Variants in ACSM2B observed in about 807,000 individuals in gnomAD.
The protein encoded by ACSM2B is acyl-CoA synthetase medium chain family member 2B.
ACSM2B carries 58 observed loss-of-function variants against 78.6 expected under a neutral mutation model. The observed-to-expected ratio is 0.74, with a 90% CI of 0.60 to 0.92. The LOEUF (loss-of-function observed/expected upper bound fraction) is 0.92. Ranked by LOEUF, ACSM2B falls within the 40% of genes least tolerant of loss-of-function variation. The pLI, the probability that ACSM2B is intolerant of heterozygous loss-of-function variation, is 0.00. For missense variants in ACSM2B, 688 were observed against 711.2 expected (o/e 0.97, Z 0.37); for synonymous variants, 257 against 256.8 (o/e 1.00, Z -0.01).
chr16:20,555,156 T>C, intron 4 of ACSM2B, 113 bp downstream of exon 4: 1 of 1,536,720 alleles, frequency 6.5e-7, no homozygotes, highest in African/African-American at 1.4e-5. Context: ...GCTTCACTCT[T>C]CCTAGTCCCA....
At position 20,546,685 on chromosome 16, in the gene ACSM2B, A is replaced by G. The variant is rs932132368; in HGVS notation, c.1099-211T>C. ...AAATTGTTTGTTCAGGAAGCAACCCATCTACCACTCCCCAGGAAGAGGACC... is the reference window on the plus strand; with the variant it reads ...AAATTGTTTGTTCAGGAAGCAACCCGTCTACCACTCCCCAGGAAGAGGACC... On this transcript the variant is annotated intron_variant, in intron 8 of 13. Coordinates refer to ENST00000329697, the MANE Select transcript of ACSM2B (RefSeq NM_001105069.2). 1.9e-5 allele frequency: 15 copies of G among 782,606 alleles called. No individual in the cohort carries two copies. In the Admixed American group the frequency reaches 3.3e-4, roughly 17 times the overall value. 48.5% of individuals were successfully genotyped at this position (782,606 alleles called of 1,614,324 possible).
In ACSM2B at chr16:20,564,417, C is replaced by T. The variant is rs558798609; in HGVS notation, c.177+252G>A. 7.7e-4 allele frequency among the ~76,000 whole-genome samples: 117 copies of T among 152,082 alleles called. 1 individual carries two copies. Among genetic ancestry groups the T allele is most frequent in the Middle Eastern group, 3.4e-3 (1 of 294 alleles). Reference sequence around the variant, plus strand: ...CAACAGAGCATGTGCAGTCTACATACAGTGTAAACAAACTGTGTGTTGGCT... The same window carrying T: ...CAACAGAGCATGTGCAGTCTACATATAGTGTAAACAAACTGTGTGTTGGCT... On this transcript the variant is annotated intron_variant, in intron 2 of 13. Transcript: ENST00000329697.
chr16:20,552,371 G>A, intron 5 of ACSM2B, 74 bp from the exon 6 acceptor site: 4 of 1,527,662 alleles, frequency 2.6e-6, no homozygotes, highest in Non-Finnish European at 3.5e-6. Context: ...TAAGGTGTAG[G>A]GGAGGAAAGG....
At chr16:20,556,680 C>A (rs2015484629) in intron 3 of ACSM2B, among the ~76,000 whole-genome samples, 1 of 152,184 alleles carries the variant, frequency 6.6e-6, no homozygotes, top group African/African-American at 2.4e-5. Flanking sequence ...ACATGCCCGT[C>A]CTGTTAAATA....
intron 1 of ACSM2B, among the ~76,000 whole-genome samples, chr16:20,573,161 A>G (rs1269808697): frequency 6.6e-6 from 1 of 151,684 alleles, no homozygotes; most frequent in African/African-American, 2.4e-5. Context: ...ATATTCCCAG[A>G]ATCGTTTTCC....
At chr16:20,537,852 C>A (rs1438113923) in intron 13 of ACSM2B, among the ~76,000 whole-genome samples, 1 of 152,180 alleles carries the variant, frequency 6.6e-6, no homozygotes, top group African/African-American at 2.4e-5. Flanking sequence ...CTGGATTAAT[C>A]TGAGGTCTTT....
At chr16:20,548,243 G>A in intron 7 of ACSM2B, 58 bp from the exon 8 acceptor site, 2 of 1,611,820 alleles carry the variant, frequency 1.2e-6, no homozygotes, top group South Asian at 1.1e-5. Context: ...GTCCACTCAG[G>A]CCTAGACTTG....
rs16970280 is a variant in ACSM2B, at chr16:20,540,753, G to T, written c.1530C>A (p.Ile510=). 1,296,216 of 1,613,576 alleles carry T rather than the reference G, an allele frequency of 0.8. 525,300 individuals carry two copies. Among genetic ancestry groups the T allele is most frequent in the Non-Finnish European group, 0.82 (972,666 of 1,179,766 alleles). Residue 510 remains isoleucine (I), a synonymous_variant, in exon 13 of 14, where the codon ATC becomes ATA. Transcript: ENST00000329697. ...CATGGGATAGGAACTGCGAGGCCAG[G>T]ATCACAAATGCCTTCACCACCTGCA... ...VRGEVVKAFV[I]LASQFLSHDP...
chr16:20,564,605 T>G, intron 2 of ACSM2B, 64 bp downstream of exon 2: 1 of 1,549,012 alleles, frequency 6.5e-7, no homozygotes, highest in Non-Finnish European at 8.7e-7. Flanking sequence ...TTTACTGAAT[T>G]AATGGATGAA....
At chr16:20,548,317 T>C (rs1010705562) in intron 7 of ACSM2B, 77 bp downstream of exon 7, 42 of 1,606,558 alleles carry the variant, frequency 2.6e-5, no homozygotes, top group Non-Finnish European at 3.5e-5. Context: ...GAGATTCAGA[T>C]AGATAGGCAT....
chr16:20,560,877 A>G (rs896734881), intron 2 of ACSM2B, among the ~76,000 whole-genome samples: 6 of 152,186 alleles, frequency 3.9e-5, no homozygotes, highest in Admixed American at 3.9e-4. Flanking sequence ...GAAATAAGGA[A>G]CTTTTCGGGA....
intron 12 of ACSM2B, chr16:20,541,032 G>A (rs1481788683): frequency 2.0e-5 from 6 of 299,530 alleles, no homozygotes; most frequent in Middle Eastern, 2.2e-3. Context: ...AGAGACAGAT[G>A]AGGAGAAAGA....
At chr16:20,547,954 T>C (rs1266344622) in intron 8 of ACSM2B, 108 bp downstream of exon 8, 17 of 1,558,830 alleles carry the variant, frequency 1.1e-5, no homozygotes, top group Admixed American at 1.9e-5. Context: ...TCAATAAATA[T>C]TTCTCAAATA....
chr16:20,555,249 T>C lies in ACSM2B; in HGVS notation c.596+20A>G. ...TTCCAGTTTTAGTTAAAACCCAGGA[T>C]GAGACATGTAGATACTCACTTTAGT... On this transcript the variant is annotated intron_variant, in intron 4 of 13. Transcript: ENST00000329697. 3.1e-6 allele frequency: 5 copies of C among 1,613,288 alleles called. No individual in the cohort carries two copies. Among genetic ancestry groups the C allele is most frequent in the Non-Finnish European group, 4.2e-6 (5 of 1,179,312 alleles).
intron 1 of ACSM2B, among the ~76,000 whole-genome samples, chr16:20,569,003 C>T (rs2016015539): frequency 6.6e-6 from 1 of 151,766 alleles, no homozygotes; most frequent in Admixed American, 6.6e-5. Flanking sequence ...TTTTCTCTCA[C>T]TCCATGGGTT....
Position 20,541,927 on chromosome 16 carries a change from T to G in ACSM2B, c.1509+987A>C, listed in dbSNP as rs1197176969. 6 of 152,282 alleles carry G rather than the reference T, an allele frequency of 3.9e-5. No individual in the cohort carries two copies. In the East Asian group the frequency reaches 1.2e-3, roughly 29 times the overall value. The allele number at this position is 152,282 out of a possible 1,614,324, so 9.4% of individuals were successfully genotyped here. A position where few individuals can be genotyped will look rare whatever the true frequency, so the allele number is the denominator to read the frequency against. On this transcript the variant is annotated intron_variant, in intron 12 of 13. Coordinates refer to ENST00000329697, the MANE Select transcript of ACSM2B (RefSeq NM_001105069.2). ...TGGACTCCTGACCTCGTGATCCATC[T>G]GCCTCAGCCTCCCAACCAAGCACTT...
chr16:20,544,497 G>A (rs1194992792), intron 10 of ACSM2B: 3 of 828,808 alleles, frequency 3.6e-6, no homozygotes, highest in Admixed American at 1.2e-4. Context: ...CTTGCCTCAT[G>A]GTATGCATTC....
chr16:20,560,794 T>G (rs2015629988), intron 2 of ACSM2B, among the ~76,000 whole-genome samples: 2 of 152,118 alleles, frequency 1.3e-5, no homozygotes, highest in Admixed American at 6.5e-5. Flanking sequence ...TCTTAGGCAC[T>G]GGTTAAATAG....
At chr16:20,544,031 G>A (rs1396102987) in intron 10 of ACSM2B, among the ~76,000 whole-genome samples, 1 of 152,182 alleles carries the variant, frequency 6.6e-6, no homozygotes, top group African/African-American at 2.4e-5. Context: ...TTTCTCATGG[G>A]CATCATGGAG....
Sources: allele counts gnomAD v4.1 joint callset (sites outside exome capture counted in the v4.1 genomes callset), GRCh38; gene constraint gnomAD v4.1.1; transcripts MANE v1.5; gene names NCBI Gene and HGNC (gene_info 2026-07-23, HGNC 2026-07-21).